SAMD5: variants seen among roughly 807,000 people sequenced by gnomAD.
SAMD5 encodes the protein sterile alpha motif domain containing 5.
Under a neutral mutation model 11.3 loss-of-function variants are expected in SAMD5, and 13 were observed. That is an observed-to-expected ratio of 1.15 (90% CI 0.75 to 1.83). The LOEUF is 1.83. Among genes scored for constraint, SAMD5 ranks in the 40% most tolerant of loss-of-function variants. The pLI is 0.00. For synonymous variants in SAMD5, 129 were observed against 111.3 expected, an observed-to-expected ratio of 1.16 and a Z score of -1.00; for missense variants, 255 against 239.1, an observed-to-expected ratio of 1.07 and a Z score of -0.44.
intron 1 of SAMD5, among the ~76,000 whole-genome samples, chr6:147,596,297 T>C (rs1789530207): frequency 6.6e-6 from 1 of 152,238 alleles, no homozygotes; most frequent in African/African-American, 2.4e-5. Context: ...CCGATGACTG[T>C]CTTTGCTTCA....
intron 1 of SAMD5, among the ~76,000 whole-genome samples, chr6:147,579,065 A>G (rs1789258161): frequency 6.6e-6 from 1 of 152,272 alleles, no homozygotes; most frequent in Admixed American, 6.5e-5. Flanking sequence ...ACAAATTCCT[A>G]AACAATCCAG....
At chr6:147,686,716 T>A (rs548690480) in intron 1 of SAMD5, among the ~76,000 whole-genome samples, 3 of 152,034 alleles carry the variant, frequency 2.0e-5, no homozygotes, top group African/African-American at 7.2e-5. Flanking sequence ...AACTCTTTTT[T>A]TTTTCCTCAC....
intron 1 of SAMD5, among the ~76,000 whole-genome samples, chr6:147,626,656 A>G (rs1790054434): frequency 6.6e-6 from 1 of 152,028 alleles, no homozygotes; most frequent in Non-Finnish European, 1.5e-5. Context: ...GCCTTAAAAT[A>G]AAAAATTAAG....
chr6:147,898,651 T>C, the SAMD5 span, among the ~76,000 whole-genome samples: 1 of 152,234 alleles, frequency 6.6e-6, no homozygotes, highest in Non-Finnish European at 1.5e-5. Context: ...TCTGGTCTTA[T>C]TCATTGCATA....
the SAMD5 span, among the ~76,000 whole-genome samples, chr6:147,876,315 G>A: frequency 1.1e-4 from 16 of 152,298 alleles, no homozygotes; most frequent in East Asian, 9.7e-4. Context: ...GTTTCATTTC[G>A]GAGTAGCTAG....
At chr6:147,690,489 A>C (rs1336862178) in intron 1 of SAMD5, among the ~76,000 whole-genome samples, 2 of 152,110 alleles carry the variant, frequency 1.3e-5, no homozygotes, top group African/African-American at 4.8e-5. Context: ...TGTCTACTAA[A>C]AATGCAAAAA....
At chr6:147,724,783 C>T (rs1450444885) in intron 1 of SAMD5, among the ~76,000 whole-genome samples, 2 of 152,080 alleles carry the variant, frequency 1.3e-5, no homozygotes, top group African/African-American at 2.4e-5. Context: ...AACTACCAAG[C>T]AAGATATTGA....
At chr6:147,932,491 TTAACTC>T in the SAMD5 span, among the ~76,000 whole-genome samples, 1 of 152,072 alleles carries the variant, frequency 6.6e-6, no homozygotes, top group South Asian at 2.1e-4. Flanking sequence ...TGGTAATACT[TTAACTC>T]AAGCAAATAC....
intron 1 of SAMD5, among the ~76,000 whole-genome samples, chr6:147,531,836 T>C (rs1788434513): frequency 6.6e-6 from 1 of 152,126 alleles, no homozygotes; most frequent in Non-Finnish European, 1.5e-5. Flanking sequence ...AGATGAGTAA[T>C]AAAACGACCC....
chr6:147,789,006 C>A, the SAMD5 span, among the ~76,000 whole-genome samples: 1 of 151,736 alleles, frequency 6.6e-6, no homozygotes, highest in Non-Finnish European at 1.5e-5. Context: ...ATGGTGTGAA[C>A]CTGGGAGGTG....
downstream of SAMD5, among the ~76,000 whole-genome samples, chr6:147,570,478 T>C (rs1789121230): frequency 6.6e-6 from 1 of 152,210 alleles, no homozygotes; most frequent in Non-Finnish European, 1.5e-5. Flanking sequence ...CGCAGAGTGC[T>C]GGATTTGAAT....
the SAMD5 span, among the ~76,000 whole-genome samples, chr6:147,881,301 T>G: frequency 6.6e-6 from 1 of 152,172 alleles, no homozygotes; most frequent in African/African-American, 2.4e-5. Context: ...TAGGGCTAAC[T>G]TAGGCAACGA....
chr6:147,524,262 T>A (rs535730197), intron 1 of SAMD5, among the ~76,000 whole-genome samples: 1 of 152,260 alleles, frequency 6.6e-6, no homozygotes, highest in Admixed American at 6.5e-5. Flanking sequence ...GTGTTCTCTG[T>A]GGCATGACCC....
At chr6:147,881,601 C>T in the SAMD5 span, among the ~76,000 whole-genome samples, 4 of 152,226 alleles carry the variant, frequency 2.6e-5, no homozygotes, top group South Asian at 2.1e-4. Context: ...TGTCAGAGAC[C>T]GAAGCCCCCT....
the SAMD5 span, among the ~76,000 whole-genome samples, chr6:147,949,039 T>G: frequency 1.3e-5 from 2 of 152,172 alleles, no homozygotes; most frequent in African/African-American, 4.8e-5. Context: ...CATAGGCTTT[T>G]CCCCAGACTT....
the SAMD5 span, among the ~76,000 whole-genome samples, chr6:147,790,672 A>G: frequency 6.6e-6 from 1 of 151,862 alleles, no homozygotes; most frequent in Non-Finnish European, 1.5e-5. Flanking sequence ...ATCTGCCTTC[A>G]GTATTAGAGG....
At chr6:147,872,535 C>A in the SAMD5 span, among the ~76,000 whole-genome samples, 1 of 152,178 alleles carries the variant, frequency 6.6e-6, no homozygotes, top group African/African-American at 2.4e-5. Context: ...GGAAACACAT[C>A]AGTGGGTTGG....
At chr6:147,528,187 G>A (rs1008999558) in intron 1 of SAMD5, among the ~76,000 whole-genome samples, 1 of 152,124 alleles carries the variant, frequency 6.6e-6, no homozygotes, top group Non-Finnish European at 1.5e-5. Context: ...TATCACTCAG[G>A]AACCGGATAA....
At position 147,565,899 on chromosome 6, in the gene SAMD5, T is replaced by G. The variant is rs1461972632; in HGVS notation, c.*1443T>G. The G allele has an allele frequency of 2.0e-6, 2 of 985,308 alleles. No homozygotes were observed. The highest frequency in any genetic ancestry group is 2.3e-4 in the East Asian group (2 of 8,818). 61.0% of individuals were successfully genotyped at this position (985,308 alleles called of 1,614,324 possible). ...CTGTCAATTGTTTAGAGCTCCCAAG[T>G]AGTACTGCATTACGGAATCTACTAC... is the stretch of plus-strand genomic sequence containing the variant. On this transcript the variant is annotated 3_prime_UTR_variant, in exon 2 of 2. Coordinates refer to ENST00000367474, the MANE Select transcript of SAMD5 (RefSeq NM_001030060.3).
Sources: gnomAD v4.1 joint callset for allele counts (sites outside exome capture counted in the v4.1 genomes callset) on GRCh38, gnomAD v4.1.1 for gene constraint, MANE v1.5 for transcripts, NCBI Gene and HGNC (gene_info 2026-07-23, HGNC 2026-07-21) for gene names.